Variants in FARP1 observed in about 807,000 individuals in gnomAD.
FARP1 encodes FERM, ARH/RhoGEF and pleckstrin domain protein 1, also known as FERM, ARHGEF and pleckstrin domain-containing protein 1.
FARP1 carries 52 observed loss-of-function variants against 128.8 expected under a neutral mutation model. The observed-to-expected ratio is 0.40, with a 90% CI of 0.32 to 0.51. FARP1 has a LOEUF of 0.51. Among genes scored for constraint, FARP1 ranks in the 20% least tolerant of loss-of-function variants. FARP1 has a pLI of 0.45. For missense variants in FARP1, 1,333 were observed against 1,367.9 expected (o/e 0.97, Z 0.40); for synonymous variants, 580 against 551.8 (o/e 1.05, Z -0.72).
intron 5 of FARP1, among the ~76,000 whole-genome samples, chr13:98,376,891 T>C (rs556769785): frequency 1.4e-4 from 22 of 152,222 alleles, no homozygotes; most frequent in African/African-American, 5.3e-4. Flanking sequence ...ATCAGTGATG[T>C]TGAGCATCTT....
At chr13:98,254,437 T>C (rs907358177) in intron 2 of FARP1, among the ~76,000 whole-genome samples, 5 of 152,174 alleles carry the variant, frequency 3.3e-5, no homozygotes, top group Admixed American at 1.3e-4. Flanking sequence ...AGATAACACA[T>C]GTAAAATGAT....
intron 2 of FARP1, among the ~76,000 whole-genome samples, chr13:98,314,203 C>T (rs1290583095): frequency 6.6e-6 from 1 of 151,218 alleles, no homozygotes; most frequent in Non-Finnish European, 1.5e-5. Context: ...GTGAAAGTAG[C>T]AAACATTTTC....
intron 1 of FARP1, among the ~76,000 whole-genome samples, chr13:98,203,215 C>T (rs546760448): frequency 1.9e-4 from 29 of 152,294 alleles, no homozygotes; most frequent in African/African-American, 6.5e-4. Flanking sequence ...CAGGAATATT[C>T]ACGGACACAT....
chr13:98,382,244 T>G (rs61968414), intron 6 of FARP1: 1 of 151,776 alleles, frequency 6.6e-6, no homozygotes, highest in Non-Finnish European at 1.5e-5. Context: ...TAAAAGGAAG[T>G]CAGATTTTGA....
chr13:98,445,908 AG>A (rs1892804385), intron 24 of FARP1, 189 bp from the exon 25 acceptor site: 1 of 540,580 alleles, frequency 1.8e-6, no homozygotes, highest in Admixed American at 3.4e-5. Context: ...GCAAGTGACA[AG>A]GGGAAGTGAT....
chr13:98,379,207 A>T (rs1164447074), intron 6 of FARP1, among the ~76,000 whole-genome samples: 4 of 90,588 alleles, frequency 4.4e-5, no homozygotes, highest in South Asian at 7.0e-4. Flanking sequence ...ATATATATAT[A>T]ATATATAATA....
At chr13:98,382,937 G>A (rs890345669) in intron 6 of FARP1, among the ~76,000 whole-genome samples, 14 of 152,180 alleles carry the variant, frequency 9.2e-5, no homozygotes, top group Non-Finnish European at 1.5e-4. Context: ...GCATCGTTCA[G>A]GCATGAGTTC....
At chr13:98,184,354 G>A (rs566731124) in intron 1 of FARP1, among the ~76,000 whole-genome samples, 2 of 152,228 alleles carry the variant, frequency 1.3e-5, no homozygotes, top group South Asian at 2.1e-4. Context: ...GTGACTTCAG[G>A]TGATCCACCT....
chr13:98,192,957 C>A (rs910902614), intron 1 of FARP1, among the ~76,000 whole-genome samples: 12 of 152,196 alleles, frequency 7.9e-5, no homozygotes, highest in African/African-American at 2.9e-4. Flanking sequence ...CACACGCAAA[C>A]CCCGGCAGGG....
chr13:98,159,442 T>C (rs1876717464), intron 1 of FARP1: 1 of 152,078 alleles, frequency 6.6e-6, no homozygotes, highest in African/African-American at 2.4e-5. Flanking sequence ...ATTTTATTGC[T>C]TTGTTCATTG....
chr13:98,350,128 C>T (rs370088809), intron 3 of FARP1, among the ~76,000 whole-genome samples: 21 of 152,102 alleles, frequency 1.4e-4, no homozygotes, highest in East Asian at 1.4e-3. Flanking sequence ...TCGGTCACCT[C>T]GCGGGGCAGC....
intron 2 of FARP1, among the ~76,000 whole-genome samples, chr13:98,309,239 T>C (rs1003656436): frequency 3.2e-5 from 4 of 124,554 alleles, no homozygotes; most frequent in Non-Finnish European, 6.3e-5. Flanking sequence ...CAATCTCGGC[T>C]CACTGCAAGC....
chr13:98,267,378 C>T (rs1321145588), intron 2 of FARP1, among the ~76,000 whole-genome samples: 2 of 152,148 alleles, frequency 1.3e-5, no homozygotes, highest in Admixed American at 6.5e-5. Flanking sequence ...ATTTTCCCTT[C>T]GGTGGTGTTG....
At chr13:98,337,778 G>A (rs553527491) in intron 2 of FARP1, among the ~76,000 whole-genome samples, 3 of 151,910 alleles carry the variant, frequency 2.0e-5, no homozygotes, top group East Asian at 1.9e-4. Flanking sequence ...CTATCTCATC[G>A]TTGGCTTTCA....
At chr13:98,394,918 C>A (rs1390870251) in intron 12 of FARP1, among the ~76,000 whole-genome samples, 2 of 152,180 alleles carry the variant, frequency 1.3e-5, no homozygotes, top group African/African-American at 4.8e-5. Context: ...GAGTAAGATC[C>A]TGTCTCCCCC....
At chr13:98,269,759 G>A (rs1333128402) in intron 2 of FARP1, among the ~76,000 whole-genome samples, 1 of 152,214 alleles carries the variant, frequency 6.6e-6, no homozygotes, top group Non-Finnish European at 1.5e-5. Flanking sequence ...TGAGTGAGTG[G>A]TCGGGGGGTG....
intron 1 of FARP1, among the ~76,000 whole-genome samples, chr13:98,148,273 G>C (rs897782591): frequency 7.2e-5 from 11 of 152,214 alleles, no homozygotes; most frequent in Non-Finnish European, 1.3e-4. Flanking sequence ...AGCTACTCGG[G>C]AGGCTGAGGC....
At chr13:98,214,706 C>A (rs1260797405) in intron 2 of FARP1, among the ~76,000 whole-genome samples, 1 of 152,184 alleles carries the variant, frequency 6.6e-6, no homozygotes, top group African/African-American at 2.4e-5. Context: ...GCACTGCAAA[C>A]AACCTTTGTG....
intron 2 of FARP1, among the ~76,000 whole-genome samples, chr13:98,267,013 C>CAAAAAAA (rs368229193): frequency 1.6e-5 from 1 of 64,330 alleles, no homozygotes; most frequent in Admixed American, 2.2e-4. Flanking sequence ...ACTCCCATCT[C>CAAAAAAA]AAAAAAAAAA....
Sources: allele counts gnomAD v4.1 joint callset (sites outside exome capture counted in the v4.1 genomes callset), GRCh38; gene constraint gnomAD v4.1.1; transcripts MANE v1.5; gene names NCBI Gene and HGNC (gene_info 2026-07-23, HGNC 2026-07-21).